IL15: variants seen among roughly 807,000 people sequenced by gnomAD.
IL15 encodes interleukin-15.
Under a neutral mutation model 19.6 loss-of-function variants are expected in IL15, and 11 were observed. The observed-to-expected ratio is 0.56, with a 90% CI of 0.35 to 0.93. The LOEUF is 0.93. Ranked by LOEUF, IL15 falls within the 40% of genes least tolerant of loss-of-function variation. IL15 has a pLI of 0.01. For synonymous variants in IL15, 58 were observed against 59.6 expected (o/e 0.97, Z 0.12); for missense variants, 197 against 186.5 (o/e 1.06, Z -0.33).
intron 2 of IL15, among the ~76,000 whole-genome samples, chr4:141,684,079 G>A (rs1294703430): frequency 6.6e-6 from 1 of 152,194 alleles, no homozygotes; most frequent in Non-Finnish European, 1.5e-5. Flanking sequence ...GGGGATATGT[G>A]TTGGAGAAGC....
chr4:141,696,811 T>C (rs1300167786), intron 2 of IL15, among the ~76,000 whole-genome samples: 1 of 152,114 alleles, frequency 6.6e-6, no homozygotes, highest in Non-Finnish European at 1.5e-5. Flanking sequence ...GTATATCTTC[T>C]TTTGGGAATT....
At chr4:141,704,398 C>T (rs148550300) in intron 2 of IL15, among the ~76,000 whole-genome samples, 327 of 152,246 alleles carry the variant, frequency 2.1e-3, no homozygotes, top group African/African-American at 7.5e-3. Context: ...ATGAATCCCA[C>T]TTAATCATAC....
chr4:141,683,745 T>C (rs1300952534), intron 2 of IL15, among the ~76,000 whole-genome samples: 1 of 152,184 alleles, frequency 6.6e-6, no homozygotes, highest in Non-Finnish European at 1.5e-5. Flanking sequence ...ACATTATTAT[T>C]AGAATAACAG....
intron 2 of IL15, among the ~76,000 whole-genome samples, chr4:141,659,819 A>G (rs773200502): frequency 2.0e-5 from 3 of 152,228 alleles, no homozygotes; most frequent in Non-Finnish European, 4.4e-5. Flanking sequence ...TTTTGAAGTC[A>G]TAAGAAGAGT....
At position 141,732,813 on chromosome 4, in the gene IL15, G is replaced by A; in HGVS notation, c.454G>A (p.Val152Ile). The part of the protein sequence containing the change: ...KNIKEFLQSF[V>I]HIVQMFINTS The stretch of plus-strand genomic sequence containing the variant: ...TATTAAAGAATTTTTGCAGAGTTTT[G>A]TACATATTGTCCAAATGTTCATCAA... The change falls in exon 8 of 8, where the codon GTA (valine) becomes ATA (isoleucine). Residue 152 changes from valine (V) to isoleucine (I), a missense_variant. Transcript: ENST00000320650. 6.2e-7 allele frequency: 1 copy of A among 1,611,790 alleles called. No homozygotes were observed. Among genetic ancestry groups the A allele is most frequent in the Non-Finnish European group, 8.5e-7 (1 of 1,179,360 alleles).
intron 2 of IL15, among the ~76,000 whole-genome samples, chr4:141,703,288 G>A (rs1294791874): frequency 1.3e-5 from 2 of 152,124 alleles, no homozygotes; most frequent in Non-Finnish European, 2.9e-5. Flanking sequence ...CTGTTGATGG[G>A]TGTACATCCC....
At chr4:141,676,809 G>T (rs1419658174) in intron 2 of IL15, among the ~76,000 whole-genome samples, 1 of 151,896 alleles carries the variant, frequency 6.6e-6, no homozygotes, top group Non-Finnish European at 1.5e-5. Context: ...AGGATTTCAG[G>T]ATATGGATCT....
intron 1 of IL15, among the ~76,000 whole-genome samples, chr4:141,646,109 G>C (rs1469551089): frequency 2.0e-5 from 3 of 152,014 alleles, no homozygotes; most frequent in Non-Finnish European, 4.4e-5. Context: ...GCATGTTCAT[G>C]GGGGGAAGGC....
At chr4:141,708,153 G>T (rs1041229864) in intron 2 of IL15, among the ~76,000 whole-genome samples, 11 of 152,220 alleles carry the variant, frequency 7.2e-5, no homozygotes, top group African/African-American at 2.2e-4. Context: ...GCACAGGTAT[G>T]TGTTGGTAAC....
chr4:141,661,521 A>G (rs1173488977), intron 2 of IL15, among the ~76,000 whole-genome samples: 2 of 152,202 alleles, frequency 1.3e-5, no homozygotes, highest in African/African-American at 4.8e-5. Context: ...AATGGACTTC[A>G]CAAGGTGCAT....
rs928131293 is a variant in IL15, at chr4:141,636,634, G to C, written c.-336G>C. On this transcript the variant is annotated 5_prime_UTR_variant, in exon 1 of 8. Transcript: ENST00000320650. ...GTGGCAGGCGCCCGGGGGAATCCCA[G>C]CTGACTCGCTCACTGCCTTCGAAGT... 2.0e-5 allele frequency: 3 copies of C among 152,200 alleles called. No individual in the cohort carries two copies. Among genetic ancestry groups the C allele is most frequent in the Admixed American group, 6.5e-5 (1 of 15,280 alleles). 9.4% of individuals were successfully genotyped at this position (152,200 alleles called of 1,614,324 possible).
Position 141,721,907 on chromosome 4 carries a change from T to C in IL15, c.111-17T>C, listed in dbSNP as rs375855571. 11 of 1,574,062 alleles carry C rather than the reference T, an allele frequency of 7.0e-6. No homozygotes were observed. Among genetic ancestry groups the C allele is most frequent in the Non-Finnish European group, 9.5e-6 (11 of 1,151,988 alleles). Reference sequence around the variant, plus strand: ...TAGGCTCCTTCAAAATGCTTTGCTCTATGGTTTTTCTTTCAGCTGTTTCAG... The same window carrying C: ...TAGGCTCCTTCAAAATGCTTTGCTCCATGGTTTTTCTTTCAGCTGTTTCAG... On this transcript the variant is annotated splice_polypyrimidine_tract_variant and intron_variant, in intron 4 of 7. Transcript: ENST00000320650.
intron 1 of IL15, among the ~76,000 whole-genome samples, chr4:141,647,698 C>G (rs1727275687): frequency 6.6e-6 from 1 of 151,998 alleles, no homozygotes; most frequent in Non-Finnish European, 1.5e-5. Flanking sequence ...CTGCTGCTCT[C>G]TAGAGGGATT....
At chr4:141,648,560 TCTC>T in intron 1 of IL15, among the ~76,000 whole-genome samples, 1 of 152,122 alleles carries the variant, frequency 6.6e-6, no homozygotes, top group East Asian at 1.9e-4. Context: ...TAGTGTCTCT[TCTC>T]CTGAGGGTTT....
In IL15 at chr4:141,732,831, TTCA is replaced by T; in HGVS notation, c.476_478del (p.Ile159del). ...GAGTTTTGTACATATTGTCCAAATGTTCATCAACACTTCTTGATTGCAATTGAT... is the reference window on the plus strand; with the variant it reads ...GAGTTTTGTACATATTGTCCAAATGTTCAACACTTCTTGATTGCAATTGAT... On this transcript the variant is annotated inframe_deletion, in exon 8 of 8. Transcript: ENST00000320650. The T allele has an allele frequency of 6.2e-7, 1 of 1,608,730 alleles. No homozygotes were observed. The highest frequency in any genetic ancestry group is 1.3e-5 in the African/African-American group (1 of 74,718).
At chr4:141,648,879 C>T (rs888634812) in intron 1 of IL15, among the ~76,000 whole-genome samples, 1 of 152,060 alleles carries the variant, frequency 6.6e-6, no homozygotes, top group African/African-American at 2.4e-5. Flanking sequence ...AACAGCACAC[C>T]AAAAGTTCTA....
At chr4:141,723,288 A>G (rs1730151089) in intron 5 of IL15, among the ~76,000 whole-genome samples, 1 of 152,234 alleles carries the variant, frequency 6.6e-6, no homozygotes, top group Non-Finnish European at 1.5e-5. Flanking sequence ...AAATATAATT[A>G]ATGAAATTAA....
chr4:141,668,806 T>C (rs961129332), intron 2 of IL15, among the ~76,000 whole-genome samples: 9 of 152,312 alleles, frequency 5.9e-5, no homozygotes, highest in Admixed American at 5.9e-4. Flanking sequence ...CCAACTTTCA[T>C]TTTCATGATT....
chr4:141,693,152 G>A (rs913870955), intron 2 of IL15, among the ~76,000 whole-genome samples: 1 of 151,932 alleles, frequency 6.6e-6, no homozygotes, highest in Non-Finnish European at 1.5e-5. Flanking sequence ...GAAGGCAAAG[G>A]GGAAGCAGGC....
Sources: allele counts gnomAD v4.1 joint callset (sites outside exome capture counted in the v4.1 genomes callset), GRCh38; gene constraint gnomAD v4.1.1; transcripts MANE v1.5; gene names NCBI Gene and HGNC (gene_info 2026-07-23, HGNC 2026-07-21).